The following ZNF541 variants were observed in gnomAD, a reference collection of about 807,000 sequenced individuals.
ZNF541 encodes zinc finger protein 541.
Under a neutral mutation model 123.5 loss-of-function variants are expected in ZNF541, and 23 were observed. The ratio of observed to expected loss-of-function variants is 0.19; its 90% CI spans 0.13 to 0.26. The LOEUF (loss-of-function observed/expected upper bound fraction) is 0.26, where lower values mean the gene tolerates loss of function less well. Among genes scored for constraint, ZNF541 ranks in the 10% least tolerant of loss-of-function variants. The pLI, the probability that ZNF541 is intolerant of heterozygous loss-of-function variation, is 1.00. For synonymous variants in ZNF541, 751 were observed against 754.5 expected, an observed-to-expected ratio of 1.00 and a Z score of 0.08; for missense variants, 1,612 against 1,789.9, an observed-to-expected ratio of 0.90 and a Z score of 1.79.
At chr19:47,529,940 C>G (rs1051800961) in intron 12 of ZNF541, among the ~76,000 whole-genome samples, 1 of 152,186 alleles carries the variant, frequency 6.6e-6, no homozygotes, top group African/African-American at 2.4e-5. Context: ...CTCCTTACTC[C>G]CTCAGGGACT....
intron 3 of ZNF541, 82 bp downstream of exon 3, chr19:47,555,468 A>T: frequency 1.4e-6 from 2 of 1,387,320 alleles, no homozygotes; most frequent in Non-Finnish European, 1.9e-6. Flanking sequence ...TTCTTAACCA[A>T]TCCATGCAGA....
At chr19:47,565,689 T>C (rs1971235495) in intron 2 of ZNF541, among the ~76,000 whole-genome samples, 1 of 152,172 alleles carries the variant, frequency 6.6e-6, no homozygotes. Context: ...ATGGTATCCC[T>C]CTCATTAAAT....
chr19:47,542,268 T>C (rs1970113764), intron 5 of ZNF541, among the ~76,000 whole-genome samples: 1 of 152,132 alleles, frequency 6.6e-6, no homozygotes, highest in Non-Finnish European at 1.5e-5. Context: ...AATGTGGGGT[T>C]CCTTTTGGGG....
intron 2 of ZNF541, among the ~76,000 whole-genome samples, chr19:47,561,971 G>A (rs752806119): frequency 6.6e-6 from 1 of 152,366 alleles, no homozygotes; most frequent in South Asian, 2.1e-4. Flanking sequence ...TTTACAGGCT[G>A]GGTGCAGTGG....
At position 47,545,643 on chromosome 19, in the gene ZNF541, C is replaced by T; in HGVS notation, c.886G>A (p.Gly296Arg). 6.5e-7 allele frequency: 1 copy of T among 1,550,192 alleles called. No homozygotes were observed. Among genetic ancestry groups the T allele is most frequent in the Non-Finnish European group, 8.7e-7 (1 of 1,146,806 alleles). Residue 296 changes from glycine (G) to arginine (R), a missense_variant, in exon 5 of 17, where the codon GGG becomes AGG. Gly to Arg is a moderately radical substitution (Grantham distance 125). This residue lies in a region of ZNF541 where 1,080 missense variants were observed against 1,013.8 expected (regional missense o/e 1.07). Transcript: ENST00000391901. The surrounding 1 kb of genome is among the most constrained non-coding windows in gnomAD (Gnocchi z 7.5). ...TTCCTCCCTTCGCTGTCTGAAGCCCCCGCCGGGGCTGGGCCAGGAGAAGGG... is the reference window on the plus strand; with the variant it reads ...TTCCTCCCTTCGCTGTCTGAAGCCCTCGCCGGGGCTGGGCCAGGAGAAGGG... The part of the protein sequence containing the change: ...KTPSPGPAPA[G>R]ASDSEGRNTA...
In ZNF541 at chr19:47,522,532, C is replaced by T. The variant is rs753398643; in HGVS notation, c.3571-538G>A. 7.2e-5 allele frequency among the ~76,000 whole-genome samples: 11 copies of T among 152,294 alleles called. No individual in the cohort carries two copies. The East Asian group carries it at 1.2e-3, about 16-fold the overall frequency. The stretch of plus-strand genomic sequence containing the variant: ...AAGGGAAGCTGGGCTTGGTGGCTCA[C>T]GCCTGTAATCCCAGCACTTTGAGAG... On this transcript the variant is annotated intron_variant, in intron 14 of 16. Transcript: ENST00000391901.
chr19:47,538,185 C>A lies in ZNF541; in HGVS notation c.3051G>T (p.Thr1017=). Residue 1017 remains threonine (T), a synonymous_variant, in exon 9 of 17, where the codon ACG becomes ACT. Transcript: ENST00000391901. ...GCTGGTCAGGGCTGGCCTGAGTGGA[C>A]GTGGAACAGAGGGTGTTGAAGTACA... The part of the protein sequence containing the change: ...SGVYFNTLCS[T]STQASPDQLI... 2 of 1,551,350 alleles carry A rather than the reference C, an allele frequency of 1.3e-6. No individual in the cohort carries two copies. The highest frequency in any genetic ancestry group is 1.2e-5 in the South Asian group (1 of 84,032).
intron 1 of ZNF541, among the ~76,000 whole-genome samples, chr19:47,572,834 G>T (rs1271549442): frequency 6.6e-6 from 1 of 152,072 alleles, no homozygotes; most frequent in Non-Finnish European, 1.5e-5. Flanking sequence ...CTTCTCCAAG[G>T]GGGAAGGGCC....
intron 7 of ZNF541, 102 bp from the exon 8 acceptor site, chr19:47,539,980 T>G: frequency 6.8e-7 from 1 of 1,477,512 alleles, no homozygotes; most frequent in Non-Finnish European, 8.9e-7. Flanking sequence ...CAGCAGTGAG[T>G]CTGTGGCATG....
At chr19:47,559,063 T>C (rs1970954041) in intron 2 of ZNF541, among the ~76,000 whole-genome samples, 2 of 149,584 alleles carry the variant, frequency 1.3e-5, no homozygotes, top group Non-Finnish European at 3.0e-5. Context: ...AATTTCTGAA[T>C]AGACCTATGA....
intron 2 of ZNF541, among the ~76,000 whole-genome samples, chr19:47,563,437 T>C (rs1427111891): frequency 6.6e-6 from 1 of 152,146 alleles, no homozygotes; most frequent in African/African-American, 2.4e-5. Context: ...TCAGAGCTTT[T>C]TGGGTTTCCA....
At chr19:47,548,126 A>C (rs1970434805) in intron 4 of ZNF541, among the ~76,000 whole-genome samples, 1 of 122,772 alleles carries the variant, frequency 8.1e-6, no homozygotes, top group African/African-American at 5.2e-5. Flanking sequence ...AAAGAAAAAA[A>C]AACAAAAAAA....
chr19:47,562,672 C>T (rs539495837), intron 2 of ZNF541, among the ~76,000 whole-genome samples: 2 of 152,134 alleles, frequency 1.3e-5, no homozygotes, highest in South Asian at 4.1e-4. Flanking sequence ...GTCATGAAAA[C>T]AAAAAAGCAT....
Position 47,521,354 on chromosome 19 carries a change from C to T in ZNF541, c.3911G>A (p.Arg1304Gln), listed in dbSNP as rs1431206091. Residue 1304 changes from arginine (R) to glutamine (Q), a missense_variant, in exon 17 of 17, where the codon CGA becomes CAA. This residue lies in a region of ZNF541 where 5 missense variants were observed against 30.3 expected (regional missense o/e 0.17). Coordinates refer to ENST00000391901, the MANE Select transcript of ZNF541 (RefSeq NM_001277075.3). This position sits in a 1 kb window ranked among gnomAD's most constrained non-coding sequence, Gnocchi z 4.2. The stretch of plus-strand genomic sequence containing the variant: ...GCGGTGCCGCTTCATATGGGCATTT[C>T]GACTCTTGATCTTGTCAAACACCCT... ...CERVFDKIKS[R>Q]NAHMKRHRLQ... is the part of the protein sequence containing the mutation. 2 of 1,551,712 alleles carry T rather than the reference C, an allele frequency of 1.3e-6. No individual in the cohort carries two copies. The highest frequency in any genetic ancestry group is 1.7e-6 in the Non-Finnish European group (2 of 1,146,994).
At chr19:47,553,047 T>C (rs1006288419) in intron 3 of ZNF541, among the ~76,000 whole-genome samples, 5 of 151,696 alleles carry the variant, frequency 3.3e-5, no homozygotes, top group African/African-American at 1.2e-4. Context: ...AGGTGGAGGT[T>C]GCAGTGAGCC....
rs1309046617 is a variant in ZNF541, at chr19:47,521,975, G to A, written c.3590C>T (p.Ala1197Val). 1 of 1,551,994 alleles carries A rather than the reference G, an allele frequency of 6.4e-7. No individual in the cohort carries two copies. Among genetic ancestry groups the A allele is most frequent in the Non-Finnish European group, 8.7e-7 (1 of 1,147,096 alleles). The change falls in exon 15 of 17, where the codon GCT (alanine) becomes GTT (valine). Residue 1197 changes from alanine to valine, a missense_variant. Physicochemically the swap from Ala to Val is moderately conservative, Grantham distance 64 (BLOSUM62 0). Coordinates refer to ENST00000391901, the MANE Select transcript of ZNF541 (RefSeq NM_001277075.3). The surrounding 1 kb of genome is among the most constrained non-coding windows in gnomAD (Gnocchi z 4.2). The part of the protein sequence containing the change: ...IHKMIQTKTV[A>V]QCVEYYYIWK... Reference sequence around the variant, plus strand: ...GATGTAATAATACTCAACGCACTGAGCTACCGTCTTTGTCTGGATCTAGTG... The same window carrying A: ...GATGTAATAATACTCAACGCACTGAACTACCGTCTTTGTCTGGATCTAGTG...
chr19:47,540,196 G>C lies in ZNF541; in HGVS notation c.2602C>G (p.Arg868Gly). 1 of 1,551,150 alleles carries C rather than the reference G, an allele frequency of 6.4e-7. No homozygotes were observed. The highest frequency in any genetic ancestry group is 8.7e-7 in the Non-Finnish European group (1 of 1,146,928). Residue 868 changes from arginine (R) to glycine (G), a missense_variant, in exon 7 of 17, where the codon CGA becomes GGA. By Grantham distance (125) the Arg-to-Gly change is moderately radical (BLOSUM62 -2). Transcript: ENST00000391901. ...TTCACCTGCGGTTCCTGCTTCCCTC[G>C]AGGTGACGGCCACTGGTCGCTGTGA... ...CFHSDQWPSPRGKQEPQVFGT... is the reference protein window; with the variant it reads ...CFHSDQWPSPGGKQEPQVFGT...
chr19:47,557,476 A>C (rs937037508), intron 2 of ZNF541, among the ~76,000 whole-genome samples: 14 of 152,220 alleles, frequency 9.2e-5, no homozygotes, highest in African/African-American at 3.4e-4. Flanking sequence ...CTCGAAGATA[A>C]GAATAAGAAT....
At chr19:47,536,462 T>C (rs1481461325) in intron 9 of ZNF541, among the ~76,000 whole-genome samples, 2 of 152,152 alleles carry the variant, frequency 1.3e-5, no homozygotes, top group Non-Finnish European at 2.9e-5. Context: ...GGTCTTGAAC[T>C]CCTGACCTTA....
Sources: allele counts gnomAD v4.1 joint callset (sites outside exome capture counted in the v4.1 genomes callset), GRCh38; gene constraint gnomAD v4.1.1; regional missense constraint gnomAD v4.1.1; non-coding constraint Gnocchi (gnomAD v3.1); transcripts MANE v1.5; gene names NCBI Gene and HGNC (gene_info 2026-07-23, HGNC 2026-07-21).